Variants in USP10 observed in about 807,000 individuals in gnomAD.
The protein encoded by USP10 is ubiquitin carboxyl-terminal hydrolase 10.
In USP10, 22 loss-of-function variants were observed where a neutral mutation model predicts 84.5. The observed-to-expected ratio is 0.26, with a 90% CI of 0.19 to 0.37. USP10 has a LOEUF of 0.37. USP10 is among the 10% of genes least tolerant of loss of function. The pLI is 1.00. For synonymous variants in USP10, 454 were observed against 387.6 expected (o/e 1.17, Z -2.01); for missense variants, 1,019 against 998.9 (o/e 1.02, Z -0.27).
chr16:84,744,594 A>G lies in USP10; in HGVS notation c.152-39A>G, dbSNP rs761851913. ...GTAATTACTGGTACTTAGAGTTTGTAGAACTGGGTTCTTAACTAATAGTTT... is the reference window on the plus strand; with the variant it reads ...GTAATTACTGGTACTTAGAGTTTGTGGAACTGGGTTCTTAACTAATAGTTT... On this transcript the variant is annotated intron_variant, in intron 3 of 13. Transcript: ENST00000219473. 3.9e-6 allele frequency: 6 copies of G among 1,522,422 alleles called. No individual in the cohort carries two copies. In the South Asian group the frequency reaches 5.1e-5, roughly 13 times the overall value. 94.3% of individuals were successfully genotyped at this position (1,522,422 alleles called of 1,614,324 possible).
intron 1 of USP10, among the ~76,000 whole-genome samples, chr16:84,717,363 G>T (rs1907167990): frequency 6.6e-6 from 1 of 152,162 alleles, no homozygotes; most frequent in African/African-American, 2.4e-5. Flanking sequence ...GAAATATGTT[G>T]ATTAAATGCC....
intron 1 of USP10, among the ~76,000 whole-genome samples, chr16:84,723,319 C>G (rs1260255996): frequency 6.6e-6 from 1 of 151,848 alleles, no homozygotes; most frequent in East Asian, 1.9e-4. Flanking sequence ...TTGAATAAGT[C>G]TTATATTTTA....
At chr16:84,736,086 G>A (rs1348909662) in intron 2 of USP10, among the ~76,000 whole-genome samples, 12 of 152,190 alleles carry the variant, frequency 7.9e-5, no homozygotes, top group Non-Finnish European at 1.8e-4. Context: ...GGACCTGTGG[G>A]TGTGTGAGTG....
intron 4 of USP10, among the ~76,000 whole-genome samples, chr16:84,746,558 G>GA (rs1186639300): frequency 6.6e-6 from 1 of 152,164 alleles, no homozygotes; most frequent in Non-Finnish European, 1.5e-5. Flanking sequence ...TTTAGACATA[G>GA]AAAAAATATA....
intron 1 of USP10, among the ~76,000 whole-genome samples, chr16:84,722,666 G>T (rs1015647499): frequency 3.3e-5 from 5 of 151,980 alleles, no homozygotes; most frequent in Non-Finnish European, 4.4e-5. Context: ...GGTTTAAGCA[G>T]TTCTCCTGCT....
intron 13 of USP10, among the ~76,000 whole-genome samples, chr16:84,776,222 T>C (rs1453297048): frequency 6.6e-6 from 1 of 152,208 alleles, no homozygotes; most frequent in African/African-American, 2.4e-5. Context: ...TTCAAGCTCC[T>C]GTCCACCTCA....
chr16:84,755,675 G>A (rs1435181270), intron 4 of USP10, among the ~76,000 whole-genome samples: 1 of 151,934 alleles, frequency 6.6e-6, no homozygotes, highest in Non-Finnish European at 1.5e-5. Context: ...GCACACATCT[G>A]TAGTCCCAGC....
At chr16:84,716,845 C>T (rs2150771659) in intron 1 of USP10, among the ~76,000 whole-genome samples, 1 of 152,230 alleles carries the variant, frequency 6.6e-6, no homozygotes, top group South Asian at 2.1e-4. Context: ...TAAACTTATC[C>T]CAGCATAATT....
intron 3 of USP10, among the ~76,000 whole-genome samples, chr16:84,743,715 C>G (rs1327474735): frequency 6.6e-6 from 1 of 152,154 alleles, no homozygotes; most frequent in Non-Finnish European, 1.5e-5. Flanking sequence ...ACAATTGATT[C>G]TAAAACTTAA....
chr16:84,727,093 G>T (rs1908588967), intron 1 of USP10, among the ~76,000 whole-genome samples: 1 of 152,188 alleles, frequency 6.6e-6, no homozygotes. Context: ...TTATTTTAAT[G>T]ACAGCCACCA....
intron 12 of USP10, among the ~76,000 whole-genome samples, chr16:84,773,445 A>G (rs1914658062): frequency 1.3e-5 from 2 of 151,998 alleles, no homozygotes; most frequent in African/African-American, 2.4e-5. Context: ...ACCCCACCTC[A>G]TACCTCCTTC....
At position 84,759,819 on chromosome 16, in the gene USP10, C is replaced by T. The variant is rs371197889; in HGVS notation, c.1395-72C>T. The T allele has an allele frequency of 5.0e-4, 715 of 1,435,672 alleles. 2 individuals carry two copies. In the Middle Eastern group the frequency reaches 6.9e-3, roughly 14 times the overall value. 88.9% of individuals were successfully genotyped at this position (1,435,672 alleles called of 1,614,324 possible). A position where few individuals can be genotyped will look rare whatever the true frequency, so the allele number is the denominator to read the frequency against. ...CTCGTATAGCTGATATTCTACTTAG[C>T]CATCAAAGCTCTTTAGTAAAAGTAT... is the stretch of plus-strand genomic sequence containing the variant. On this transcript the variant is annotated intron_variant, in intron 6 of 13. Transcript: ENST00000219473.
At chr16:84,741,526 C>T (rs8047390) in intron 3 of USP10, among the ~76,000 whole-genome samples, 1 of 152,222 alleles carries the variant, frequency 6.6e-6, no homozygotes, top group African/African-American at 2.4e-5. Flanking sequence ...TGAGTTCACC[C>T]TCCTCCCTGT....
At chr16:84,703,538 G>A (rs910384926) in intron 1 of USP10, among the ~76,000 whole-genome samples, 1 of 152,216 alleles carries the variant, frequency 6.6e-6, no homozygotes, top group African/African-American at 2.4e-5. Flanking sequence ...CCAACAGCTG[G>A]ATTAGTGTTA....
rs746143228 is a variant in USP10, at chr16:84,745,311, A to T, written c.830A>T (p.Asp277Val). The T allele has an allele frequency of 1.2e-6, 2 of 1,613,076 alleles. No individual in the cohort carries two copies. Among genetic ancestry groups the T allele is most frequent in the East Asian group, 2.2e-5 (1 of 44,888 alleles). The change falls in exon 4 of 14, where the codon GAT becomes GTT. Residue 277 changes from aspartate to valine, a missense_variant. Asp to Val is a radical substitution (Grantham distance 152). This residue lies in a region of USP10 where 787 missense variants were observed against 708.8 expected (regional missense o/e 1.11). Coordinates refer to ENST00000219473, the MANE Select transcript of USP10 (RefSeq NM_005153.3). ...GGGGCTCAGCCCTGCGTTGGTACCG[A>T]TACTACTGAAAACCTTGGAGTTGCT... is the stretch of plus-strand genomic sequence containing the variant. ...TAGAQPCVGTDTTENLGVANG... is the reference protein window; with the variant it reads ...TAGAQPCVGTVTTENLGVANG...
rs761958782 is a variant in USP10, at chr16:84,735,970, G to A, written c.90+2467G>A. ...TGGGGCGGCATGTGGTTGGGCCTGT[G>A]GGTGTGTGAGTGGCGAGGGCGTGTC... On this transcript the variant is annotated intron_variant, in intron 2 of 13. Coordinates refer to ENST00000219473, the MANE Select transcript of USP10 (RefSeq NM_005153.3). Among the ~76,000 whole-genome samples, 35 of 151,894 alleles carry A rather than the reference G, an allele frequency of 2.3e-4. 1 individual carries two copies. The highest frequency in any genetic ancestry group is 4.3e-4 in the Non-Finnish European group (29 of 67,988).
chr16:84,772,760 T>G (rs1914592199), intron 12 of USP10, 75 bp downstream of exon 12: 1 of 1,562,696 alleles, frequency 6.4e-7, no homozygotes, highest in Non-Finnish European at 8.7e-7. Context: ...CTGTAGCATT[T>G]CTTTATGATG....
intron 1 of USP10, among the ~76,000 whole-genome samples, chr16:84,726,210 G>C (rs538442459): frequency 6.6e-6 from 1 of 152,126 alleles, no homozygotes; most frequent in Non-Finnish European, 1.5e-5. Context: ...GTGCTGCAGC[G>C]CCCCCTAGTG....
At chr16:84,705,998 A>G (rs2150753936) in intron 1 of USP10, among the ~76,000 whole-genome samples, 1 of 152,294 alleles carries the variant, frequency 6.6e-6, no homozygotes, top group South Asian at 2.1e-4. Context: ...CTGGGATTAC[A>G]GGCATGAGCC....
Sources: gnomAD v4.1 joint callset for allele counts (sites outside exome capture counted in the v4.1 genomes callset) on GRCh38, gnomAD v4.1.1 for gene constraint, gnomAD v4.1.1 regional missense constraint, MANE v1.5 for transcripts, NCBI Gene and HGNC (gene_info 2026-07-23, HGNC 2026-07-21) for gene names.